CNTNAP2: variants seen among roughly 807,000 people sequenced by gnomAD.
CNTNAP2 encodes the protein contactin associated protein 2, also known as contactin-associated protein-like 2.
CNTNAP2 carries 98 observed loss-of-function variants against 155.2 expected under a neutral mutation model. That is an observed-to-expected ratio of 0.63 (90% CI 0.54 to 0.75). The LOEUF is 0.75. CNTNAP2 is among the 30% of genes least tolerant of loss of function. The probability of loss-of-function intolerance (pLI) is 0.00; values close to 1 mark genes in which losing one functional copy is unlikely to be tolerated. For missense variants in CNTNAP2, 1,727 were observed against 1,688.1 expected (o/e 1.02, Z -0.40); for synonymous variants, 651 against 631.2 (o/e 1.03, Z -0.47).
At chr7:146,407,077 G>A (rs1795802745) in intron 1 of CNTNAP2, among the ~76,000 whole-genome samples, 1 of 152,172 alleles carries the variant, frequency 6.6e-6, no homozygotes, top group African/African-American at 2.4e-5. Flanking sequence ...TGACGGCAGA[G>A]GACATCAGTA....
intron 18 of CNTNAP2, among the ~76,000 whole-genome samples, chr7:148,176,266 G>A (rs13234779): frequency 8.3e-6 from 1 of 119,922 alleles, no homozygotes; most frequent in African/African-American, 3.2e-5. Context: ...TTGTCGCCCA[G>A]ACTGGAGTGC....
intron 10 of CNTNAP2, among the ~76,000 whole-genome samples, chr7:147,460,018 G>A (rs1197455250): frequency 6.6e-6 from 1 of 152,068 alleles, no homozygotes; most frequent in African/African-American, 2.4e-5. Flanking sequence ...GGGCGGAATA[G>A]CATTAGGAGA....
chr7:146,295,286 T>C (rs1800495385), intron 1 of CNTNAP2, among the ~76,000 whole-genome samples: 1 of 152,120 alleles, frequency 6.6e-6, no homozygotes. Context: ...ATAAAATGGA[T>C]TTGTAAGTTA....
chr7:147,634,434 G>A (rs915994788), intron 12 of CNTNAP2, among the ~76,000 whole-genome samples: 3 of 152,074 alleles, frequency 2.0e-5, no homozygotes, highest in African/African-American at 7.2e-5. Context: ...TGATATAATG[G>A]ACTTTGGGGA....
intron 1 of CNTNAP2, among the ~76,000 whole-genome samples, chr7:146,409,414 A>C (rs567448728): frequency 6.6e-6 from 1 of 152,344 alleles, no homozygotes; most frequent in African/African-American, 2.4e-5. Flanking sequence ...TTAAAGATAC[A>C]TTAGAAATGT....
intron 1 of CNTNAP2, among the ~76,000 whole-genome samples, chr7:146,340,566 T>C (rs946439301): frequency 6.6e-6 from 1 of 152,140 alleles, no homozygotes; most frequent in African/African-American, 2.4e-5. Flanking sequence ...AAATTTGTTA[T>C]TTATCTCAAA....
intron 14 of CNTNAP2, among the ~76,000 whole-genome samples, chr7:147,935,096 T>G (rs1225700174): frequency 6.7e-6 from 1 of 150,256 alleles, no homozygotes; most frequent in African/African-American, 2.4e-5. Context: ...AGTTTTTTGT[T>G]TTTTTTTTTA....
At chr7:147,655,903 G>A (rs1795519015) in intron 13 of CNTNAP2, among the ~76,000 whole-genome samples, 1 of 152,212 alleles carries the variant, frequency 6.6e-6, no homozygotes, top group Admixed American at 6.5e-5. Flanking sequence ...ATAGAAAGAT[G>A]TTTCATCTAG....
At chr7:146,695,094 A>G (rs1563191990) in intron 1 of CNTNAP2, among the ~76,000 whole-genome samples, 2 of 152,162 alleles carry the variant, frequency 1.3e-5, no homozygotes, top group Non-Finnish European at 2.9e-5. Context: ...TTCTAATTGC[A>G]TAAGCTAGTA....
At chr7:147,657,679 T>A (rs999736558) in intron 13 of CNTNAP2, among the ~76,000 whole-genome samples, 1 of 152,148 alleles carries the variant, frequency 6.6e-6, no homozygotes, top group Non-Finnish European at 1.5e-5. Flanking sequence ...GTTATATATG[T>A]AGGATAAAGG....
intron 10 of CNTNAP2, among the ~76,000 whole-genome samples, chr7:147,442,423 CTGGAAA>C (rs1236971920): frequency 2.6e-5 from 4 of 152,154 alleles, no homozygotes; most frequent in Non-Finnish European, 4.4e-5. Flanking sequence ...CCCTCTGACC[CTGGAAA>C]TGTTTAGAAA....
At chr7:146,706,183 G>A (rs1304205549) in intron 1 of CNTNAP2, among the ~76,000 whole-genome samples, 2 of 151,808 alleles carry the variant, frequency 1.3e-5, no homozygotes, top group African/African-American at 4.9e-5. Context: ...GGGAACCACT[G>A]TGGTAGGGAA....
intron 3 of CNTNAP2, among the ~76,000 whole-genome samples, chr7:146,900,813 C>G (rs1442273611): frequency 6.6e-6 from 1 of 152,132 alleles, no homozygotes; most frequent in African/African-American, 2.4e-5. Context: ...TCACTTGGCT[C>G]TCTCTTCTAC....
At chr7:147,878,306 C>G (rs1182038056) in intron 13 of CNTNAP2, among the ~76,000 whole-genome samples, 1 of 152,030 alleles carries the variant, frequency 6.6e-6, no homozygotes, top group African/African-American at 2.4e-5. Context: ...TGATGATTTT[C>G]TCTTCAAATT....
intron 1 of CNTNAP2, among the ~76,000 whole-genome samples, chr7:146,217,813 T>C (rs1016042947): frequency 6.6e-6 from 1 of 152,118 alleles, no homozygotes; most frequent in Non-Finnish European, 1.5e-5. Flanking sequence ...TATATATAGA[T>C]TGTAAGAGTA....
At chr7:147,894,252 G>A (rs1406925575) in intron 13 of CNTNAP2, 1 of 152,106 alleles carries the variant, frequency 6.6e-6, no homozygotes, top group Non-Finnish European at 1.5e-5. Context: ...ACTTAATATG[G>A]ATTTTGTAAT....
At chr7:146,833,154 T>G in intron 2 of CNTNAP2, among the ~76,000 whole-genome samples, 1 of 152,216 alleles carries the variant, frequency 6.6e-6, no homozygotes, top group Non-Finnish European at 1.5e-5. Flanking sequence ...TAACTGATAA[T>G]TACTGCTATT....
chr7:147,167,487 G>T, intron 8 of CNTNAP2: 1 of 955,148 alleles, frequency 1.0e-6, no homozygotes, highest in Non-Finnish European at 1.6e-6. Context: ...CCCACTGGAG[G>T]TTGCCATGGA....
At chr7:146,742,237 AG>A (rs2129181132) in intron 1 of CNTNAP2, among the ~76,000 whole-genome samples, 1 of 152,190 alleles carries the variant, frequency 6.6e-6, no homozygotes, top group South Asian at 2.1e-4. Context: ...ATTTATCTAA[AG>A]TATCAGCTGG....
Sources: allele counts gnomAD v4.1 joint callset (sites outside exome capture counted in the v4.1 genomes callset), GRCh38; gene constraint gnomAD v4.1.1; transcripts MANE v1.5; gene names NCBI Gene and HGNC (gene_info 2026-07-23, HGNC 2026-07-21).